Variants in RGS10 observed in about 807,000 individuals in gnomAD.
The protein encoded by RGS10 is regulator of G protein signaling 10.
Under a neutral mutation model 23.5 loss-of-function variants are expected in RGS10, and 11 were observed. The ratio of observed to expected loss-of-function variants is 0.47; its 90% CI spans 0.29 to 0.77. RGS10 has a LOEUF of 0.77. Among genes scored for constraint, RGS10 ranks in the 30% least tolerant of loss-of-function variants. RGS10 has a pLI of 0.08. For synonymous variants in RGS10, 77 were observed against 83.2 expected (o/e 0.92, Z 0.41); for missense variants, 180 against 226.3 (o/e 0.80, Z 1.31).
At position 119,542,626 on chromosome 10, in the gene RGS10, C is replaced by T; in HGVS notation, c.13G>A (p.Ala5Thr). The T allele has an allele frequency of 7.0e-7, 1 of 1,420,356 alleles. No individual in the cohort carries two copies. Among genetic ancestry groups the T allele is most frequent in the Non-Finnish European group, 9.2e-7 (1 of 1,083,604 alleles). The allele number at this position is 1,420,356 out of a possible 1,614,324, so 88.0% of individuals were successfully genotyped here. Reference sequence around the variant, plus strand: ...CGCTTCCTGCTCAGCCGGCTCACGGCGCGGTTGAACATCGCCGCGGGCGCC... The same window carrying T: ...CGCTTCCTGCTCAGCCGGCTCACGGTGCGGTTGAACATCGCCGCGGGCGCC... Reference protein sequence around the residue: MFNRAVSRLSRKRPP... With the variant: MFNRTVSRLSRKRPP... The change falls in exon 1 of 5, where the codon GCC becomes ACC. Residue 5 changes from alanine (A) to threonine (T), a missense_variant. Coordinates refer to ENST00000369103, the MANE Select transcript of RGS10 (RefSeq NM_001005339.2).
intron 4 of RGS10, among the ~76,000 whole-genome samples, chr10:119,509,594 A>AAT (rs955005587): frequency 2.6e-5 from 4 of 152,082 alleles, no homozygotes; most frequent in Non-Finnish European, 4.4e-5. Context: ...CTGCCTCAAA[A>AAT]ATATATATAT....
intron 4 of RGS10, among the ~76,000 whole-genome samples, chr10:119,514,816 T>C (rs1047494532): frequency 2.0e-5 from 3 of 152,134 alleles, no homozygotes; most frequent in African/African-American, 7.2e-5. Context: ...GATTCTGAGG[T>C]CCAGGGTGGG....
At chr10:119,510,300 T>C (rs1844062802) in intron 4 of RGS10, among the ~76,000 whole-genome samples, 1 of 152,112 alleles carries the variant, frequency 6.6e-6, no homozygotes, top group Non-Finnish European at 1.5e-5. Context: ...CACCCCCTCA[T>C]GTGCTACATT....
Position 119,526,131 on chromosome 10 carries a change from A to G in RGS10, c.169-13T>C. ...TTTTTAAAAATTCCTGTGGATACAA[A>G]GAAAAAGAGTCACACAGTATTCTAC... On this transcript the variant is annotated splice_polypyrimidine_tract_variant and intron_variant, in intron 2 of 4. Transcript: ENST00000369103. 7.3e-7 allele frequency: 1 copy of G among 1,364,986 alleles called. No individual in the cohort carries two copies. Among genetic ancestry groups the G allele is most frequent in the Non-Finnish European group, 1.0e-6 (1 of 975,888 alleles). The allele number at this position is 1,364,986 out of a possible 1,614,324, so 84.6% of individuals were successfully genotyped here. A position where few individuals can be genotyped will look rare whatever the true frequency, so the allele number is the denominator to read the frequency against.
intron 4 of RGS10, among the ~76,000 whole-genome samples, chr10:119,514,849 A>G (rs1444748901): frequency 6.6e-6 from 1 of 152,104 alleles, no homozygotes; most frequent in Non-Finnish European, 1.5e-5. Context: ...ATATGGCTAC[A>G]GTCACAAAAA....
chr10:119,540,485 C>G (rs1478478112), intron 1 of RGS10, among the ~76,000 whole-genome samples: 1 of 152,180 alleles, frequency 6.6e-6, no homozygotes, highest in Non-Finnish European at 1.5e-5. Flanking sequence ...CTCCTGGGCT[C>G]AAGCAATCCT....
chr10:119,522,137 G>C (rs1844225631), intron 3 of RGS10, among the ~76,000 whole-genome samples: 1 of 152,236 alleles, frequency 6.6e-6, no homozygotes, highest in Non-Finnish European at 1.5e-5. Flanking sequence ...CTCGGAGACA[G>C]TGGGGAAGAA....
chr10:119,503,157 A>G (rs1340709645), intron 4 of RGS10, among the ~76,000 whole-genome samples: 1 of 151,944 alleles, frequency 6.6e-6, no homozygotes, highest in African/African-American at 2.4e-5. Context: ...GCGGGCGGAT[A>G]GCAAAATCCT....
rs1844288491 is a variant in RGS10 at position 119,527,438 on chromosome 10, T to G, written c.50-14A>C. Reference sequence around the variant, plus strand: ...TGTCGTGGATGTCTGCAAAGCAAAGTTCAGACTGCATATGTGGCCAACAGA... The same window carrying G: ...TGTCGTGGATGTCTGCAAAGCAAAGGTCAGACTGCATATGTGGCCAACAGA... On this transcript the variant is annotated splice_polypyrimidine_tract_variant and intron_variant, in intron 1 of 4. Transcript: ENST00000369103. The surrounding 1 kb of genome is among the most constrained non-coding windows in gnomAD (Gnocchi z 4.2). 1 of 1,599,886 alleles carries G rather than the reference T, an allele frequency of 6.3e-7. No individual in the cohort carries two copies. The highest frequency in any genetic ancestry group is 1.3e-5 in the African/African-American group (1 of 74,660).
rs1844284224 is a variant in RGS10, at chr10:119,527,133, T to C, written c.168+173A>G. ...TGTGACAGCGTTGCCAACACAGTCATGACAGATGAGAAAGTCTCACCCTCA... is the reference window on the plus strand; with the variant it reads ...TGTGACAGCGTTGCCAACACAGTCACGACAGATGAGAAAGTCTCACCCTCA... On this transcript the variant is annotated intron_variant, in intron 2 of 4. Coordinates refer to ENST00000369103, the MANE Select transcript of RGS10 (RefSeq NM_001005339.2). This position sits in a 1 kb window ranked among gnomAD's most constrained non-coding sequence, Gnocchi z 4.2. Among the ~76,000 whole-genome samples, 1 of 152,106 alleles carries C rather than the reference T, an allele frequency of 6.6e-6. No homozygotes were observed. The highest frequency in any genetic ancestry group is 1.5e-5 in the Non-Finnish European group (1 of 68,010).
At chr10:119,516,157 C>T (rs888592538) in intron 3 of RGS10, among the ~76,000 whole-genome samples, 1 of 150,124 alleles carries the variant, frequency 6.7e-6, no homozygotes, top group African/African-American at 2.5e-5. Flanking sequence ...GAGGCTGAGG[C>T]AGGAGAATTG....
At chr10:119,503,110 G>A (rs1843970156) in intron 4 of RGS10, among the ~76,000 whole-genome samples, 1 of 152,128 alleles carries the variant, frequency 6.6e-6, no homozygotes, top group Non-Finnish European at 1.5e-5. Flanking sequence ...GGGTGCGGTG[G>A]CTCATGCCTG....
At chr10:119,516,126 C>T (rs1459007934) in intron 3 of RGS10, among the ~76,000 whole-genome samples, 1 of 151,940 alleles carries the variant, frequency 6.6e-6, no homozygotes, top group East Asian at 1.9e-4. Context: ...GTGGTGCAAA[C>T]CTGTAATCTC....
intron 1 of RGS10, chr10:119,536,443 G>T: frequency 1.2e-6 from 2 of 1,611,974 alleles, no homozygotes; most frequent in Non-Finnish European, 1.7e-6. Flanking sequence ...GACATGGAAA[G>T]GGGTGGGGGC....
chr10:119,509,566 G>A (rs1589834193), intron 4 of RGS10, among the ~76,000 whole-genome samples: 1 of 152,268 alleles, frequency 6.6e-6, no homozygotes, highest in Admixed American at 6.5e-5. Context: ...ACTCCAGCCT[G>A]GGTGACAGAG....
chr10:119,516,273 GT>G (rs553601516), intron 3 of RGS10: 59 of 139,262 alleles, frequency 4.2e-4, no homozygotes, highest in African/African-American at 1.3e-3. Flanking sequence ...AAAAAATCAA[GT>G]TAAAGTATGC....
rs538456474 is a variant in RGS10, at chr10:119,501,787, G to T, written c.400-1528C>A. ...ACATCTGAGGGACTCAAAGGACTCAGAACATCTGCTTGGAGGATGGGAGGT... is the reference window on the plus strand; with the variant it reads ...ACATCTGAGGGACTCAAAGGACTCATAACATCTGCTTGGAGGATGGGAGGT... On this transcript the variant is annotated intron_variant, in intron 4 of 4. Transcript: ENST00000369103. Among the ~76,000 whole-genome samples, 27 of 152,250 alleles carry T rather than the reference G, an allele frequency of 1.8e-4. No homozygotes were observed. The South Asian group carries it at 5.6e-3, about 32-fold the overall frequency.
intron 3 of RGS10, among the ~76,000 whole-genome samples, chr10:119,521,811 AG>A (rs1844221961): frequency 6.6e-6 from 1 of 152,048 alleles, no homozygotes; most frequent in Non-Finnish European, 1.5e-5. Context: ...CAAACTTCTG[AG>A]TGTGTTTCAC....
rs376619163 is a variant in RGS10, at chr10:119,527,795, G to T, written c.50-371C>A. On this transcript the variant is annotated intron_variant, in intron 1 of 4. Coordinates refer to ENST00000369103, the MANE Select transcript of RGS10 (RefSeq NM_001005339.2). The surrounding 1 kb of genome is among the most constrained non-coding windows in gnomAD (Gnocchi z 4.2). Reference sequence around the variant, plus strand: ...TCAACAGCAACTGCTTCCCCATGGCGCTTTGTGCACAGACTTAGAATTATG... The same window carrying T: ...TCAACAGCAACTGCTTCCCCATGGCTCTTTGTGCACAGACTTAGAATTATG... Among the ~76,000 whole-genome samples, 20 of 152,104 alleles carry T rather than the reference G, an allele frequency of 1.3e-4. 1 individual carries two copies. The highest frequency in any genetic ancestry group is 1.2e-3 in the Admixed American group (19 of 15,278).
Sources: gnomAD v4.1 joint callset for allele counts (sites outside exome capture counted in the v4.1 genomes callset) on GRCh38, gnomAD v4.1.1 for gene constraint, Gnocchi (gnomAD v3.1) non-coding constraint, MANE v1.5 for transcripts, NCBI Gene and HGNC (gene_info 2026-07-23, HGNC 2026-07-21) for gene names.